The following DCC variants were observed in gnomAD, a reference collection of about 807,000 sequenced individuals.
DCC encodes netrin receptor DCC.
DCC carries 58 observed loss-of-function variants against 172.5 expected under a neutral mutation model. That is an observed-to-expected ratio of 0.34 (90% CI 0.27 to 0.42). The LOEUF (loss-of-function observed/expected upper bound fraction) is 0.42, where lower values mean the gene tolerates loss of function less well. Among genes scored for constraint, DCC ranks in the 10% least tolerant of loss-of-function variants. The pLI is 1.00. For missense variants in DCC, 1,740 were observed against 1,791.0 expected (o/e 0.97, Z 0.51); for synonymous variants, 709 against 644.5 (o/e 1.10, Z -1.52).
At chr18:52,817,803 A>ATATATATATGTG (rs375371359) in intron 2 of DCC, among the ~76,000 whole-genome samples, 165 of 151,532 alleles carry the variant, frequency 1.1e-3, no homozygotes, top group South Asian at 4.4e-3. Flanking sequence ...ATATATATAT[A>ATATATATATGTG]TGTGTGTGTG....
At chr18:52,573,553 G>A (rs2033348011) in intron 1 of DCC, among the ~76,000 whole-genome samples, 1 of 152,180 alleles carries the variant, frequency 6.6e-6, no homozygotes, top group Admixed American at 6.5e-5. Context: ...AGATTTTAGT[G>A]TTCTTAGAAT....
rs899408357 is a variant in DCC at position 52,985,159 on chromosome 18, C to T, written c.985+59789C>T. On this transcript the variant is annotated intron_variant, in intron 5 of 28. Coordinates refer to ENST00000442544, the MANE Select transcript of DCC (RefSeq NM_005215.4). The stretch of plus-strand genomic sequence containing the variant: ...ATATTTTTCCTTTTTACTCCTAGTC[C>T]ATTCTTGTTAGGCTATGCTTACTGT... Among the ~76,000 whole-genome samples, 6 of 152,120 alleles carry T rather than the reference C, an allele frequency of 3.9e-5. No homozygotes were observed. In the East Asian group the frequency reaches 1.2e-3, roughly 29 times the overall value.
chr18:52,636,610 A>G (rs1390720960), intron 1 of DCC, among the ~76,000 whole-genome samples: 1 of 152,108 alleles, frequency 6.6e-6, no homozygotes, highest in Non-Finnish European at 1.5e-5. Flanking sequence ...AAGCAGCTGC[A>G]TAATCCTCCT....
At chr18:52,927,217 A>G (rs1387271759) in intron 5 of DCC, among the ~76,000 whole-genome samples, 4 of 133,728 alleles carry the variant, frequency 3.0e-5, no homozygotes, top group Non-Finnish European at 4.9e-5. Flanking sequence ...GTACATATAC[A>G]CATATATGCA....
chr18:52,715,274 A>AG (rs1184977324), intron 1 of DCC, among the ~76,000 whole-genome samples: 2 of 140,252 alleles, frequency 1.4e-5, no homozygotes, highest in Admixed American at 1.5e-4. Context: ...AAATAAAAAA[A>AG]AACACTACAT....
At chr18:53,149,906 TCA>T (rs1445860227) in intron 7 of DCC, among the ~76,000 whole-genome samples, 1 of 152,190 alleles carries the variant, frequency 6.6e-6, no homozygotes, top group Non-Finnish European at 1.5e-5. Flanking sequence ...GGGATAAGAA[TCA>T]CACTTTCTAT....
At chr18:52,979,606 A>G (rs1423379565) in intron 5 of DCC, among the ~76,000 whole-genome samples, 1 of 152,142 alleles carries the variant, frequency 6.6e-6, no homozygotes, top group African/African-American at 2.4e-5. Context: ...TCCAAGCAAA[A>G]ACACCCCTCA....
intron 2 of DCC, among the ~76,000 whole-genome samples, chr18:52,846,445 T>C (rs1289261279): frequency 1.3e-5 from 2 of 151,746 alleles, no homozygotes; most frequent in Non-Finnish European, 2.9e-5. Flanking sequence ...GAGTCTGAGG[T>C]AGGAGGATTG....
chr18:52,366,137 T>A (rs1339614337), intron 1 of DCC, among the ~76,000 whole-genome samples: 1 of 152,214 alleles, frequency 6.6e-6, no homozygotes, highest in East Asian at 1.9e-4. Context: ...TTAATCTGTT[T>A]ATGCTGACTC....
chr18:52,764,093 G>T (rs2037205830), intron 2 of DCC, among the ~76,000 whole-genome samples: 1 of 152,188 alleles, frequency 6.6e-6, no homozygotes, highest in Admixed American at 6.5e-5. Context: ...CAAACGGTAT[G>T]AACATTTTGA....
intron 2 of DCC, among the ~76,000 whole-genome samples, chr18:52,901,957 T>C (rs920837087): frequency 6.6e-6 from 1 of 152,096 alleles, no homozygotes; most frequent in Non-Finnish European, 1.5e-5. Context: ...ATTTAAAAGG[T>C]GGAGTGATGA....
chr18:53,320,765 G>T (rs2057402169), intron 13 of DCC, among the ~76,000 whole-genome samples: 1 of 152,104 alleles, frequency 6.6e-6, no homozygotes, highest in Admixed American at 6.5e-5. Flanking sequence ...CATCTTCCCT[G>T]CTTCAGGTAC....
At chr18:53,435,266 A>C (rs1407744895) in intron 22 of DCC, 57 bp downstream of exon 22, 2 of 1,235,786 alleles carry the variant, frequency 1.6e-6, no homozygotes, top group Admixed American at 3.4e-5. Context: ...TGGTTAATTC[A>C]AGAGTGTCTG....
intron 12 of DCC, among the ~76,000 whole-genome samples, chr18:53,289,904 T>G (rs990380773): frequency 6.6e-6 from 1 of 152,166 alleles, no homozygotes; most frequent in African/African-American, 2.4e-5. Flanking sequence ...AAATTTTCTC[T>G]TTTTCAGAAA....
At chr18:52,771,212 A>G (rs532352104) in intron 2 of DCC, among the ~76,000 whole-genome samples, 66 of 152,372 alleles carry the variant, frequency 4.3e-4, no homozygotes, top group African/African-American at 1.5e-3. Context: ...AGAATGGTAC[A>G]TGAAGCAGGC....
At chr18:53,091,859 C>CTA (rs35776447) in intron 7 of DCC, among the ~76,000 whole-genome samples, 1 of 141,038 alleles carries the variant, frequency 7.1e-6, no homozygotes, top group African/African-American at 2.8e-5. Flanking sequence ...ATCAATCTAT[C>CTA]TATATATATA....
At position 53,405,847 on chromosome 18, in the gene DCC, C is replaced by T. The variant is rs571092144; in HGVS notation, c.2935+2954C>T. Among the ~76,000 whole-genome samples the T allele has an allele frequency of 8.5e-5, 13 of 152,192 alleles. No homozygotes were observed. In the South Asian group the frequency reaches 2.7e-3, roughly 32 times the overall value. On this transcript the variant is annotated intron_variant, in intron 19 of 28. Transcript: ENST00000442544. The stretch of plus-strand genomic sequence containing the variant: ...AGGCCTTTCCTGAGTAAATAACTTA[C>T]CCAAAATCAAATAAGCAAGAAGTGG...
At chr18:52,959,044 G>A (rs1568211636) in intron 5 of DCC, among the ~76,000 whole-genome samples, 1 of 152,104 alleles carries the variant, frequency 6.6e-6, no homozygotes, top group African/African-American at 2.4e-5. Context: ...GCCGAAGACA[G>A]TTCTTCTAAT....
intron 1 of DCC, among the ~76,000 whole-genome samples, chr18:52,445,635 C>G (rs1988096854): frequency 6.6e-6 from 1 of 152,096 alleles, no homozygotes; most frequent in East Asian, 1.9e-4. Context: ...TTCTCTAACA[C>G]AAAACGAATT....
Sources: allele counts gnomAD v4.1 joint callset (sites outside exome capture counted in the v4.1 genomes callset), GRCh38; gene constraint gnomAD v4.1.1; transcripts MANE v1.5; gene names NCBI Gene and HGNC (gene_info 2026-07-23, HGNC 2026-07-21).